EPC1: variants seen among roughly 807,000 people sequenced by gnomAD.
The protein encoded by EPC1 is enhancer of polycomb 1, also known as enhancer of polycomb homolog 1.
A neutral mutation model predicts 98.4 loss-of-function variants in EPC1; 12 were observed. That is an observed-to-expected ratio of 0.12 (90% CI 0.08 to 0.20). The LOEUF (loss-of-function observed/expected upper bound fraction) is 0.20, where lower values mean the gene tolerates loss of function less well. EPC1 is among the 10% of genes least tolerant of loss of function. The pLI, the probability that EPC1 is intolerant of heterozygous loss-of-function variation, is 1.00. For synonymous variants in EPC1, 357 were observed against 363.9 expected, an observed-to-expected ratio of 0.98 and a Z score of 0.21; for missense variants, 729 against 990.5, an observed-to-expected ratio of 0.74 and a Z score of 3.54.
intron 1 of EPC1, among the ~76,000 whole-genome samples, chr10:32,355,859 C>CT (rs1839260498): frequency 2.6e-5 from 4 of 152,196 alleles, no homozygotes; most frequent in Non-Finnish European, 5.9e-5. Flanking sequence ...GATCTGCCTG[C>CT]TTTGGCCTCC....
rs139000044 is a variant in EPC1 at position 32,326,997 on chromosome 10, C to CA, written c.153+19765dup. 8.2e-4 allele frequency among the ~76,000 whole-genome samples: 62 copies of CA among 75,442 alleles called. 1 individual carries two copies. Among genetic ancestry groups the CA allele is most frequent in the African/African-American group, 2.5e-3 (62 of 24,626 alleles). The allele number at this position is 75,442 out of a possible 152,430, so 49.5% of individuals were successfully genotyped here. ...CAGAAAACAGCATGGAGAGGGTCCT[C>CA]AAAAAAAAAAAAAAAAAAAAATCAA... On this transcript the variant is annotated intron_variant, in intron 1 of 13. Coordinates refer to ENST00000319778, the MANE Select transcript of EPC1 (RefSeq NM_001272004.3).
chr10:32,310,613 T>C (rs1485551821), intron 1 of EPC1, among the ~76,000 whole-genome samples: 1 of 152,224 alleles, frequency 6.6e-6, no homozygotes, highest in African/African-American at 2.4e-5. Context: ...TTTGTAGTTT[T>C]CTTGTACAAA....
At chr10:32,304,224 T>A (rs1045493762) in intron 2 of EPC1, among the ~76,000 whole-genome samples, 1 of 152,206 alleles carries the variant, frequency 6.6e-6, no homozygotes, top group Admixed American at 6.5e-5. Flanking sequence ...AAGTAAGCCA[T>A]CTTTAAGACA....
upstream of EPC1, chr10:32,347,202 C>T: frequency 8.1e-7 from 1 of 1,232,504 alleles, no homozygotes; most frequent in Non-Finnish European, 1.0e-6. Flanking sequence ...CTGCATCGCG[C>T]AGCGGCGCGG....
intron 1 of EPC1, among the ~76,000 whole-genome samples, chr10:32,323,712 A>G (rs1349051675): frequency 1.3e-5 from 2 of 152,330 alleles, no homozygotes; most frequent in South Asian, 2.1e-4. Flanking sequence ...GAAACAACAA[A>G]TGGACATAAA....
intron 6 of EPC1, among the ~76,000 whole-genome samples, chr10:32,288,523 G>A (rs1836819460): frequency 1.3e-5 from 2 of 151,702 alleles, no homozygotes; most frequent in Non-Finnish European, 2.9e-5. Context: ...CTAATTTTTT[G>A]TATTTTTAGT....
chr10:32,333,053 A>G (rs561121055), intron 1 of EPC1, among the ~76,000 whole-genome samples: 1 of 152,312 alleles, frequency 6.6e-6, no homozygotes, highest in African/African-American at 2.4e-5. Context: ...TAAAAACCAG[A>G]AATTTTGGCT....
intron 1 of EPC1, among the ~76,000 whole-genome samples, chr10:32,333,494 T>G (rs1469175834): frequency 6.6e-6 from 1 of 152,200 alleles, no homozygotes; most frequent in Non-Finnish European, 1.5e-5. Context: ...TCAAGACCTC[T>G]TGAAGAGCAA....
chr10:32,346,097 T>C (rs182408227), intron 1 of EPC1, among the ~76,000 whole-genome samples: 169 of 152,334 alleles, frequency 1.1e-3, no homozygotes, highest in Non-Finnish European at 2.1e-3. Flanking sequence ...GTAAGTCTTA[T>C]CTTCTAGAAA....
At chr10:32,278,371 G>GTTTTTTTTTTTTGTTTTTTTTT (rs1836213066) in intron 10 of EPC1, among the ~76,000 whole-genome samples, 10 of 102,582 alleles carry the variant, frequency 9.7e-5, no homozygotes, top group Admixed American at 1.2e-4. Context: ...GTTTTTTTTT[G>GTTTTTTTTTTTTGTTTTTTTTT]TTTTTTTTTT....
intron 1 of EPC1, among the ~76,000 whole-genome samples, chr10:32,325,907 C>CA (rs1162356552): frequency 2.0e-5 from 3 of 152,056 alleles, no homozygotes; most frequent in African/African-American, 7.2e-5. Flanking sequence ...ATATCAACTA[C>CA]AGTATGCCTT....
intron 1 of EPC1, among the ~76,000 whole-genome samples, chr10:32,373,208 T>G (rs917119080): frequency 1.3e-5 from 2 of 152,158 alleles, no homozygotes; most frequent in African/African-American, 4.8e-5. Context: ...ATGCCTCAGT[T>G]TCCTTGGCTG....
intron 1 of EPC1, among the ~76,000 whole-genome samples, chr10:32,316,349 T>C (rs145508553): frequency 6.6e-6 from 1 of 152,144 alleles, no homozygotes; most frequent in East Asian, 1.9e-4. Flanking sequence ...AAAACACAAG[T>C]CCACAGAAAG....
intron 1 of EPC1, 72 bp downstream of exon 1, chr10:32,346,691 T>G: frequency 6.8e-7 from 1 of 1,477,802 alleles, no homozygotes. Context: ...GTGGGTTTGC[T>G]GCTCCGCCGC....
At chr10:32,302,002 G>A (rs1324539852) in intron 2 of EPC1, among the ~76,000 whole-genome samples, 1 of 152,178 alleles carries the variant, frequency 6.6e-6, no homozygotes, top group East Asian at 1.9e-4. Flanking sequence ...GGCTGGAGGT[G>A]GTGGCTCACG....
rs1378569621 is a variant in EPC1, at chr10:32,346,751, G to A, written c.153+12C>T. On this transcript the variant is annotated intron_variant, in intron 1 of 13. Transcript: ENST00000319778. ...GCCTGACGGTGGGTCGGACAGGGGA[G>A]TTAACACGTACCGACTCCTCTTCCT... is the stretch of plus-strand genomic sequence containing the variant. The A allele has an allele frequency of 1.9e-6, 3 of 1,613,510 alleles. No individual in the cohort carries two copies. The highest frequency in any genetic ancestry group is 1.7e-5 in the Admixed American group (1 of 60,012).
intron 1 of EPC1, among the ~76,000 whole-genome samples, chr10:32,312,516 T>C (rs990380957): frequency 2.0e-5 from 3 of 152,200 alleles, no homozygotes; most frequent in Non-Finnish European, 4.4e-5. Context: ...ACCTTTATTT[T>C]TTCATAGCAT....
chr10:32,270,936 A>G (rs776268225), intron 13 of EPC1, among the ~76,000 whole-genome samples: 2 of 151,950 alleles, frequency 1.3e-5, no homozygotes, highest in Non-Finnish European at 2.9e-5. Context: ...AAGTCATAAA[A>G]GAAACGCTCT....
chr10:32,311,710 G>A (rs1390167646), intron 1 of EPC1, among the ~76,000 whole-genome samples: 3 of 151,972 alleles, frequency 2.0e-5, no homozygotes, highest in Admixed American at 1.3e-4. Flanking sequence ...TTTCCTATAC[G>A]TACATACCTA....
Sources: gnomAD v4.1 joint callset for allele counts (sites outside exome capture counted in the v4.1 genomes callset) on GRCh38, gnomAD v4.1.1 for gene constraint, MANE v1.5 for transcripts, NCBI Gene and HGNC (gene_info 2026-07-23, HGNC 2026-07-21) for gene names.